Variants in ZC3HC1 observed in about 807,000 individuals in gnomAD.
ZC3HC1 encodes the protein zinc finger C3HC-type containing 1, also known as zinc finger C3HC-type protein 1.
In ZC3HC1, 38 loss-of-function variants were observed where a neutral mutation model predicts 61.9. The ratio of observed to expected loss-of-function variants is 0.61; its 90% CI spans 0.47 to 0.81. ZC3HC1 has a LOEUF of 0.81. ZC3HC1 is among the 30% of genes least tolerant of loss of function. ZC3HC1 has a pLI of 0.00. For synonymous variants in ZC3HC1, 213 were observed against 229.9 expected, an observed-to-expected ratio of 0.93 and a Z score of 0.67; for missense variants, 554 against 622.7, an observed-to-expected ratio of 0.89 and a Z score of 1.17.
At chr7:130,046,686 G>A (rs894765572) in intron 2 of ZC3HC1, among the ~76,000 whole-genome samples, 1 of 152,112 alleles carries the variant, frequency 6.6e-6, no homozygotes. Flanking sequence ...TAGCACACTA[G>A]GTATGTTTCT....
rs187639173 is a variant in ZC3HC1 at position 130,024,001 on chromosome 7, T to C, written c.1020+262A>G. Among the ~76,000 whole-genome samples the C allele has an allele frequency of 3.0e-3, 459 of 152,202 alleles. 2 individuals carry two copies. Among genetic ancestry groups the C allele is most frequent in the African/African-American group, 0.011 (440 of 41,534 alleles). On this transcript the variant is annotated intron_variant, in intron 7 of 9. Coordinates refer to ENST00000358303, the MANE Select transcript of ZC3HC1 (RefSeq NM_016478.5). ...TTTTGGTAGAGACGGGGTTTCACCATGTTGGCCAGGCTGGTCTCAAACTCC... is the reference window on the plus strand; with the variant it reads ...TTTTGGTAGAGACGGGGTTTCACCACGTTGGCCAGGCTGGTCTCAAACTCC...
chr7:130,025,244 A>G (rs1037625970), intron 6 of ZC3HC1, among the ~76,000 whole-genome samples: 2 of 151,072 alleles, frequency 1.3e-5, no homozygotes, highest in African/African-American at 4.8e-5. Context: ...CCTTTAAACA[A>G]AAAACATTCC....
chr7:130,019,809 GTT>G (rs754542017), intron 9 of ZC3HC1, among the ~76,000 whole-genome samples: 11 of 95,814 alleles, frequency 1.1e-4, no homozygotes, highest in Non-Finnish European at 1.7e-4. Context: ...GCTTTCACAG[GTT>G]TTTTTTTTTT....
At position 130,050,412 on chromosome 7, in the gene ZC3HC1, A is replaced by C. The variant is rs534974297; in HGVS notation, c.146+809T>G. On this transcript the variant is annotated intron_variant, in intron 1 of 9. Transcript: ENST00000358303. Reference sequence around the variant, plus strand: ...ATTTTAATAAAAATAGGATTACATCAACGATTATAGCTCAAAAGAAATAAA... The same window carrying C: ...ATTTTAATAAAAATAGGATTACATCCACGATTATAGCTCAAAAGAAATAAA... The C allele has an allele frequency of 3.1e-4, 472 of 1,533,940 alleles. No homozygotes were observed. In the African/African-American group the frequency reaches 5.9e-3, roughly 19 times the overall value.
intron 5 of ZC3HC1, chr7:130,027,337 G>T (rs1437008336): frequency 6.6e-6 from 1 of 152,176 alleles, no homozygotes; most frequent in Admixed American, 6.6e-5. Flanking sequence ...GCTAAGCAGG[G>T]TCAGGCCTGG....
At chr7:130,032,953 AATT>A (rs1372830861) in intron 4 of ZC3HC1, among the ~76,000 whole-genome samples, 3 of 152,318 alleles carry the variant, frequency 2.0e-5, no homozygotes, top group Non-Finnish European at 2.9e-5. Flanking sequence ...TTTTAAAATT[AATT>A]ATTATTAGCC....
At chr7:130,032,717 G>GGAA (rs1446555308) in intron 4 of ZC3HC1, among the ~76,000 whole-genome samples, 20 of 116,260 alleles carry the variant, frequency 1.7e-4, no homozygotes, top group African/African-American at 3.2e-4. Context: ...AAGGAAGGAA[G>GGAA]GGAAGGAGGG....
At chr7:130,036,332 A>C (rs866072155) in intron 4 of ZC3HC1, among the ~76,000 whole-genome samples, 15 of 152,002 alleles carry the variant, frequency 9.9e-5, no homozygotes, top group African/African-American at 3.1e-4. Context: ...GCCTGGCCAA[A>C]ATGGTGAAAC....
Position 130,024,342 on chromosome 7 carries a change from C to T in ZC3HC1, c.941G>A (p.Arg314His), listed in dbSNP as rs532243281. 63 of 1,614,098 alleles carry T rather than the reference C, an allele frequency of 3.9e-5. No individual in the cohort carries two copies. The Middle Eastern group carries it at 4.9e-4, about 13-fold the overall frequency. Residue 314 changes from arginine (R) to histidine (H), a missense_variant, in exon 7 of 10, where the codon CGC becomes CAC. By Grantham distance (29) the Arg-to-His change is conservative. Coordinates refer to ENST00000358303, the MANE Select transcript of ZC3HC1 (RefSeq NM_016478.5). The part of the protein sequence containing the change: ...PIPGLEGRPE[R>H]LPLVPESPRR... ...AGGAGATTCAGGCACCAGAGGTAAG[C>T]GCTCTGGTCGCCCCTCAAGGCCTGG...
At chr7:130,045,914 A>T (rs1302009316) in intron 2 of ZC3HC1, among the ~76,000 whole-genome samples, 2 of 149,152 alleles carry the variant, frequency 1.3e-5, no homozygotes, top group African/African-American at 5.0e-5. Flanking sequence ...AAAAAAAAAG[A>T]CATCAACGGC....
At chr7:130,046,653 T>G (rs1427907164) in intron 2 of ZC3HC1, among the ~76,000 whole-genome samples, 1 of 151,714 alleles carries the variant, frequency 6.6e-6, no homozygotes, top group South Asian at 2.1e-4. Context: ...AAACAATGGA[T>G]CAAATTCTTG....
intron 2 of ZC3HC1, among the ~76,000 whole-genome samples, chr7:130,041,772 C>A (rs992047172): frequency 2.0e-4 from 31 of 152,052 alleles, no homozygotes; most frequent in African/African-American, 7.5e-4. Context: ...CGTGATCCAC[C>A]CACCTCGGCC....
Position 130,022,420 on chromosome 7 carries a change from C to T in ZC3HC1, c.1339G>A (p.Glu447Lys). 1 of 1,612,502 alleles carries T rather than the reference C, an allele frequency of 6.2e-7. No homozygotes were observed. Among genetic ancestry groups the T allele is most frequent in the Non-Finnish European group, 8.5e-7 (1 of 1,179,180 alleles). ...TCTGCTGGGGCGCTGGCATCTGGTT[C>T]AGTTCCACCATTCTCCCTGCTTTCT... ...GKESRENGGT[E>K]PDASAPAEPG... The change falls in exon 9 of 10, where the codon GAA becomes AAA. Residue 447 changes from glutamate (E) to lysine (K), a missense_variant. Coordinates refer to ENST00000358303, the MANE Select transcript of ZC3HC1 (RefSeq NM_016478.5).
chr7:130,026,067 AT>A, intron 6 of ZC3HC1, 90 bp downstream of exon 6: 1 of 1,411,534 alleles, frequency 7.1e-7, no homozygotes, highest in Non-Finnish European at 9.5e-7. Flanking sequence ...GGGAAACACC[AT>A]GTGATTTCTA....
intron 6 of ZC3HC1, 102 bp downstream of exon 6, chr7:130,026,056 C>T (rs538768388): frequency 2.5e-5 from 34 of 1,368,714 alleles, no homozygotes; most frequent in East Asian, 7.2e-5. Context: ...CTTTTTCTCA[C>T]GGGAAACACC....
At chr7:130,032,711 A>AAGGAAGGAAGGG (rs1794255871) in intron 4 of ZC3HC1, among the ~76,000 whole-genome samples, 1 of 105,174 alleles carries the variant, frequency 9.5e-6, no homozygotes, top group Non-Finnish European at 1.9e-5. Flanking sequence ...GGAAGGAAGG[A>AAGGAAGGAAGGG]AGGAAGGGAA....
intron 4 of ZC3HC1, among the ~76,000 whole-genome samples, chr7:130,035,579 C>G (rs1264638198): frequency 6.6e-6 from 1 of 151,754 alleles, no homozygotes; most frequent in African/African-American, 2.4e-5. Context: ...GTGCAGTGTT[C>G]AAGCGATTCT....
intron 2 of ZC3HC1, chr7:130,043,618 G>C (rs1005275486): frequency 4.7e-6 from 1 of 212,900 alleles, no homozygotes; most frequent in Non-Finnish European, 9.6e-6. Context: ...TAGAAGGATG[G>C]TTAAAATACC....
Position 130,018,711 on chromosome 7 carries a change from T to G in ZC3HC1, c.1462A>C (p.Lys488Gln). Residue 488 changes from lysine to glutamine, a missense_variant, in exon 10 of 10, where the codon AAA becomes CAA. Transcript: ENST00000358303. The part of the protein sequence containing the change: ...DSMSLSEKSR[K>Q]VFRIFRQWES... ...CACTGCCGAAATATTCGGAATACTT[T>G]CCTTGATTTCTCAGAGAGACTCTGT... 6.2e-7 allele frequency: 1 copy of G among 1,612,600 alleles called. No individual in the cohort carries two copies. Among genetic ancestry groups the G allele is most frequent in the South Asian group, 1.1e-5 (1 of 90,988 alleles).
Sources: allele counts gnomAD v4.1 joint callset (sites outside exome capture counted in the v4.1 genomes callset), GRCh38; gene constraint gnomAD v4.1.1; transcripts MANE v1.5; gene names NCBI Gene and HGNC (gene_info 2026-07-23, HGNC 2026-07-21).